The following RIPOR2 variants were observed in gnomAD, a reference collection of about 807,000 sequenced individuals.
The protein encoded by RIPOR2 is RHO family interacting cell polarization regulator 2, also known as rho family-interacting cell polarization regulator 2.
A neutral mutation model predicts 114.5 loss-of-function variants in RIPOR2; 39 were observed. The ratio of observed to expected loss-of-function variants is 0.34; its 90% CI spans 0.26 to 0.44. The LOEUF is 0.44. RIPOR2 is among the 20% of genes least tolerant of loss of function. The pLI is 1.00. For missense variants in RIPOR2, 1,007 were observed against 1,255.1 expected, an observed-to-expected ratio of 0.80 and a Z score of 2.99; for synonymous variants, 445 against 484.4, an observed-to-expected ratio of 0.92 and a Z score of 1.07.
chr6:24,832,090 G>A (rs1012922294), intron 16 of RIPOR2, among the ~76,000 whole-genome samples, 166 bp downstream of exon 16: 6 of 152,278 alleles, frequency 3.9e-5, no homozygotes, highest in East Asian at 1.9e-4. Flanking sequence ...TCAGAAAGCC[G>A]AAATGTGACA....
intron 15 of RIPOR2, among the ~76,000 whole-genome samples, chr6:24,832,635 A>C (rs887480979): frequency 6.6e-6 from 1 of 152,214 alleles, no homozygotes; most frequent in African/African-American, 2.4e-5. Context: ...TAGTAGGTCT[A>C]CAAGGTTATT....
chr6:24,908,429 C>G (rs1354529397), intron 1 of RIPOR2, among the ~76,000 whole-genome samples: 1 of 152,234 alleles, frequency 6.6e-6, no homozygotes, highest in Non-Finnish European at 1.5e-5. Flanking sequence ...CTGTGCTATT[C>G]ACCCTGCACA....
intron 1 of RIPOR2, among the ~76,000 whole-genome samples, chr6:25,018,780 C>T (rs1776150580): frequency 6.6e-6 from 1 of 152,162 alleles, no homozygotes; most frequent in South Asian, 2.1e-4. Flanking sequence ...ACGTGCCTAG[C>T]TGTCCTACTT....
At chr6:25,008,457 C>T (rs1054309865) in intron 1 of RIPOR2, among the ~76,000 whole-genome samples, 9 of 152,132 alleles carry the variant, frequency 5.9e-5, no homozygotes, top group Admixed American at 1.3e-4. Flanking sequence ...TGGCCACAAG[C>T]GAAGGTGGCT....
At chr6:25,041,698 CAA>C in intron 1 of RIPOR2, 2 of 582,938 alleles carry the variant, frequency 3.4e-6, no homozygotes, top group Non-Finnish European at 6.1e-6. Context: ...AAAAAAATAC[CAA>C]AGTCCATTGG....
rs114673758 is a variant in RIPOR2, at chr6:24,836,145, G to T, written c.2040-274C>A. On this transcript the variant is annotated intron_variant, in intron 14 of 21. Transcript: ENST00000643898. ...ACTTATGAAGTAGTTTCACCCAGAA[G>T]TCTTTGAAACATGCCCTCATTTTGA... The T allele has an allele frequency of 1.9e-3, 752 of 403,400 alleles. 2 individuals carry two copies. The highest frequency in any genetic ancestry group is 0.013 in the African/African-American group (661 of 50,266). 25.0% of individuals were successfully genotyped at this position (403,400 alleles called of 1,614,324 possible).
intron 21 of RIPOR2, among the ~76,000 whole-genome samples, chr6:24,807,480 G>T (rs778275567): frequency 2.0e-4 from 30 of 152,050 alleles, no homozygotes; most frequent in Non-Finnish European, 3.7e-4. Flanking sequence ...TTTAAGGTAG[G>T]CTAGGCTAAG....
intron 1 of RIPOR2, chr6:25,024,123 T>C: frequency 1.2e-6 from 1 of 860,360 alleles, no homozygotes; most frequent in Non-Finnish European, 2.0e-6. Flanking sequence ...GGACCTGATA[T>C]TCCCCTTACC....
At chr6:24,934,470 T>G (rs137866375) in intron 1 of RIPOR2, among the ~76,000 whole-genome samples, 54 of 152,318 alleles carry the variant, frequency 3.5e-4, no homozygotes, top group African/African-American at 1.2e-3. Flanking sequence ...TAGAACAACA[T>G]AGCAGAAAGA....
chr6:25,025,202 T>C (rs1379484406), intron 1 of RIPOR2, among the ~76,000 whole-genome samples: 1 of 152,164 alleles, frequency 6.6e-6, no homozygotes, highest in African/African-American at 2.4e-5. Flanking sequence ...CTGGTGTACA[T>C]GTGGGTGGTG....
intron 1 of RIPOR2, among the ~76,000 whole-genome samples, chr6:24,950,021 G>A (rs143385481): frequency 7.3e-4 from 111 of 152,326 alleles, no homozygotes; most frequent in African/African-American, 2.5e-3. Context: ...TCCTAGAGAT[G>A]ACCTAGTGTC....
At chr6:24,854,548 T>C (rs1763256035) in intron 8 of RIPOR2, among the ~76,000 whole-genome samples, 1 of 152,232 alleles carries the variant, frequency 6.6e-6, no homozygotes, top group African/African-American at 2.4e-5. Flanking sequence ...ATCAGTTGTT[T>C]CTGGCTTTAG....
chr6:24,946,033 T>C (rs1048851165), intron 1 of RIPOR2, among the ~76,000 whole-genome samples: 2 of 152,056 alleles, frequency 1.3e-5, no homozygotes, highest in Non-Finnish European at 2.9e-5. Context: ...TCTAATAAAA[T>C]TTTGATTTCA....
intron 1 of RIPOR2, among the ~76,000 whole-genome samples, chr6:24,966,473 A>T (rs563624214): frequency 3.9e-5 from 6 of 152,208 alleles, no homozygotes; most frequent in African/African-American, 1.2e-4. Context: ...TTCCTATATC[A>T]GACAGCTGGG....
rs547772523 is a variant in RIPOR2 at position 24,986,191 on chromosome 6, A to G, written c.76+55660T>C. Among the ~76,000 whole-genome samples the G allele has an allele frequency of 4.6e-5, 7 of 152,328 alleles. No homozygotes were observed. In the East Asian group the frequency reaches 1.3e-3, roughly 29 times the overall value. ...TGTGCACTCATTTAATCTTTATAAC[A>G]ACCCTCTGTGATAGGTATTATTATT... On this transcript the variant is annotated intron_variant, in intron 1 of 13. Transcript: ENST00000510784.
At chr6:25,013,222 T>C (rs1775844931) in intron 1 of RIPOR2, among the ~76,000 whole-genome samples, 1 of 152,208 alleles carries the variant, frequency 6.6e-6, no homozygotes, top group African/African-American at 2.4e-5. Context: ...CCAAAGAAGC[T>C]CTAACGTTTG....
At chr6:24,926,700 G>A (rs988944064) in intron 1 of RIPOR2, among the ~76,000 whole-genome samples, 5 of 152,204 alleles carry the variant, frequency 3.3e-5, no homozygotes, top group South Asian at 2.1e-4. Flanking sequence ...ATAGACTTGG[G>A]GGGCTGAGAC....
chr6:24,860,954 T>C lies in RIPOR2; in HGVS notation c.715+19A>G. 1 of 1,536,950 alleles carries C rather than the reference T, an allele frequency of 6.5e-7. No individual in the cohort carries two copies. Among genetic ancestry groups the C allele is most frequent in the Non-Finnish European group, 9.0e-7 (1 of 1,115,318 alleles). On this transcript the variant is annotated intron_variant, in intron 8 of 21. Transcript: ENST00000643898. Reference sequence around the variant, plus strand: ...TGCAGAGATGGCTCCTTATTCTCTCTAAACAAGGAAAATAATACCTTTCAT... The same window carrying C: ...TGCAGAGATGGCTCCTTATTCTCTCCAAACAAGGAAAATAATACCTTTCAT...
intron 19 of RIPOR2, among the ~76,000 whole-genome samples, chr6:24,822,499 C>T (rs1562219690): frequency 1.3e-5 from 2 of 151,800 alleles, no homozygotes; most frequent in Non-Finnish European, 2.9e-5. Flanking sequence ...GCTCACTTTA[C>T]GTATTTATTT....
Sources: gnomAD v4.1 joint callset for allele counts (sites outside exome capture counted in the v4.1 genomes callset) on GRCh38, gnomAD v4.1.1 for gene constraint, MANE v1.5 for transcripts, NCBI Gene and HGNC (gene_info 2026-07-23, HGNC 2026-07-21) for gene names.